The following UNC5D variants were observed in gnomAD, a reference collection of about 807,000 sequenced individuals.
The protein encoded by UNC5D is netrin receptor UNC5D.
UNC5D carries 39 observed loss-of-function variants against 105.4 expected under a neutral mutation model. The ratio of observed to expected loss-of-function variants is 0.37; its 90% confidence interval spans 0.29 to 0.48. The LOEUF (loss-of-function observed/expected upper bound fraction) is 0.48, where lower values mean the gene tolerates loss of function less well. Ranked by LOEUF, UNC5D falls within the 20% of genes least tolerant of loss-of-function variation. The pLI is 0.98. For missense variants in UNC5D, 991 were observed against 1,202.4 expected (o/e 0.82, Z 2.60); for synonymous variants, 452 against 450.4 (o/e 1.00, Z -0.04).
intron 15 of UNC5D, 21 bp from the exon 16 acceptor site, chr8:35,774,278 C>G: frequency 6.2e-7 from 1 of 1,613,356 alleles, no homozygotes; most frequent in Non-Finnish European, 8.5e-7. Flanking sequence ...TCTGATCATG[C>G]GTTCCTTATT....
chr8:35,516,035 A>G (rs1813071716), intron 1 of UNC5D, among the ~76,000 whole-genome samples: 1 of 152,020 alleles, frequency 6.6e-6, no homozygotes, highest in Non-Finnish European at 1.5e-5. Context: ...TTCCTGTCTC[A>G]TTACCTAATT....
chr8:35,410,461 GT>G (rs1805093047), intron 1 of UNC5D, among the ~76,000 whole-genome samples: 1 of 151,984 alleles, frequency 6.6e-6, no homozygotes, highest in African/African-American at 2.4e-5. Context: ...GATACAGTTT[GT>G]TTTTAAAAAG....
intron 1 of UNC5D, among the ~76,000 whole-genome samples, chr8:35,426,173 C>T (rs559058373): frequency 1.6e-4 from 25 of 152,228 alleles, no homozygotes; most frequent in Admixed American, 4.6e-4. Flanking sequence ...GACGTGGATT[C>T]TTCCCACCAC....
chr8:35,419,387 G>T (rs559426238), intron 1 of UNC5D, among the ~76,000 whole-genome samples: 1 of 152,138 alleles, frequency 6.6e-6, no homozygotes, highest in Non-Finnish European at 1.5e-5. Flanking sequence ...CCCAGATTCC[G>T]TGCCTGCTGC....
At chr8:35,534,824 A>G (rs1380678189) in intron 1 of UNC5D, among the ~76,000 whole-genome samples, 7 of 152,052 alleles carry the variant, frequency 4.6e-5, no homozygotes, top group Admixed American at 3.9e-4. Context: ...GAGAAAATAT[A>G]TACATATATA....
At chr8:35,501,011 G>A (rs973187563) in intron 1 of UNC5D, among the ~76,000 whole-genome samples, 1 of 152,188 alleles carries the variant, frequency 6.6e-6, no homozygotes, top group African/African-American at 2.4e-5. Context: ...TTTCCCATGA[G>A]CTCTGTGAGG....
chr8:35,643,655 C>T (rs1822883600), intron 4 of UNC5D, among the ~76,000 whole-genome samples: 1 of 152,116 alleles, frequency 6.6e-6, no homozygotes, highest in African/African-American at 2.4e-5. Flanking sequence ...GCTGGGATTA[C>T]AGGTGTGAGC....
intron 1 of UNC5D, among the ~76,000 whole-genome samples, chr8:35,511,734 A>C (rs981292518): frequency 6.8e-6 from 1 of 146,206 alleles, no homozygotes; most frequent in Non-Finnish European, 1.5e-5. Context: ...ATGAGCTAAA[A>C]AAAAAATTAA....
At chr8:35,335,017 AG>A (rs1234287573) in intron 1 of UNC5D, among the ~76,000 whole-genome samples, 1 of 152,244 alleles carries the variant, frequency 6.6e-6, no homozygotes, top group Non-Finnish European at 1.5e-5. Context: ...TGCATTTTCT[AG>A]AAATTCATGT....
chr8:35,429,033 G>A (rs1403172720), intron 1 of UNC5D, among the ~76,000 whole-genome samples: 1 of 152,158 alleles, frequency 6.6e-6, no homozygotes, highest in Non-Finnish European at 1.5e-5. Context: ...CAGTTTGCTG[G>A]TTAAATGGAA....
intron 1 of UNC5D, among the ~76,000 whole-genome samples, chr8:35,318,206 A>G (rs1487983971): frequency 3.3e-5 from 5 of 152,110 alleles, no homozygotes; most frequent in Non-Finnish European, 7.4e-5. Context: ...CAAATTCTAC[A>G]TAAATGTAAA....
At chr8:35,289,795 C>G (rs1354204164) in intron 1 of UNC5D, among the ~76,000 whole-genome samples, 1 of 152,032 alleles carries the variant, frequency 6.6e-6, no homozygotes, top group Non-Finnish European at 1.5e-5. Context: ...AACAAATGCT[C>G]AGCATTGCAA....
chr8:35,576,804 G>A (rs1179539347), intron 3 of UNC5D, among the ~76,000 whole-genome samples: 1 of 152,026 alleles, frequency 6.6e-6, no homozygotes, highest in Non-Finnish European at 1.5e-5. Context: ...TAGTAGAGAT[G>A]GGGTTTCACT....
chr8:35,543,720 G>A (rs1227723549), intron 1 of UNC5D, among the ~76,000 whole-genome samples: 2 of 152,076 alleles, frequency 1.3e-5, no homozygotes, highest in Admixed American at 1.3e-4. Flanking sequence ...TAGAACACTA[G>A]TTCTCTCAAA....
intron 16 of UNC5D, among the ~76,000 whole-genome samples, chr8:35,779,807 A>G (rs1425010958): frequency 6.6e-6 from 1 of 152,204 alleles, no homozygotes; most frequent in Non-Finnish European, 1.5e-5. Context: ...TAGAATTGAT[A>G]TGAACAAGCA....
intron 1 of UNC5D, among the ~76,000 whole-genome samples, chr8:35,387,049 C>T (rs1250102238): frequency 1.3e-5 from 2 of 151,984 alleles, no homozygotes; most frequent in Non-Finnish European, 2.9e-5. Flanking sequence ...TCAGCATCAC[C>T]TAGGTGCTTG....
At chr8:35,533,585 C>G (rs567298595) in intron 1 of UNC5D, among the ~76,000 whole-genome samples, 1 of 152,250 alleles carries the variant, frequency 6.6e-6, no homozygotes, top group African/African-American at 2.4e-5. Context: ...CCAATTCGAG[C>G]TTCCTGGCTG....
At chr8:35,486,139 G>A (rs1462497145) in intron 1 of UNC5D, among the ~76,000 whole-genome samples, 1 of 152,156 alleles carries the variant, frequency 6.6e-6, no homozygotes, top group Non-Finnish European at 1.5e-5. Context: ...TCAATGAGGA[G>A]TGCTGCTGTT....
At chr8:35,561,932 C>T (rs760298395) in intron 2 of UNC5D, among the ~76,000 whole-genome samples, 6 of 152,130 alleles carry the variant, frequency 3.9e-5, no homozygotes, top group African/African-American at 1.2e-4. Context: ...AATAGATTAT[C>T]GTTAACTAGT....
Sources: gnomAD v4.1 joint callset for allele counts (sites outside exome capture counted in the v4.1 genomes callset) on GRCh38, gnomAD v4.1.1 for gene constraint, MANE v1.5 for transcripts, NCBI Gene and HGNC (gene_info 2026-07-23, HGNC 2026-07-21) for gene names.